TET2: variants seen among roughly 807,000 people sequenced by gnomAD.
TET2 encodes methylcytosine dioxygenase TET2.
Under a neutral mutation model 142.9 loss-of-function variants are expected in TET2, and 299 were observed. The observed-to-expected ratio is 2.09, with a 90% CI of 1.90 to 2.30. The LOEUF is 2.30. Among genes scored for constraint, TET2 ranks in the 30% most tolerant of loss-of-function variants. The probability of loss-of-function intolerance (pLI) is 0.00; values close to 1 mark genes in which losing one functional copy is unlikely to be tolerated. For missense variants in TET2, 2,418 were observed against 2,378.0 expected, an observed-to-expected ratio of 1.02 and a Z score of -0.35; for synonymous variants, 819 against 849.0, an observed-to-expected ratio of 0.96 and a Z score of 0.61.
At chr4:105,163,127 T>C (rs565975702) in intron 1 of TET2, among the ~76,000 whole-genome samples, 72 of 152,358 alleles carry the variant, frequency 4.7e-4, no homozygotes, top group African/African-American at 1.6e-3. Flanking sequence ...TTTTTCCTAC[T>C]TGTAACAAAT....
Position 105,278,431 on chromosome 4 carries a change from A to G in TET2, c.*1912A>G, listed in dbSNP as rs1225918270. 2.7e-5 allele frequency: 6 copies of G among 219,808 alleles called. No homozygotes were observed. The highest frequency in any genetic ancestry group is 6.6e-5 in the East Asian group (1 of 15,074). 13.6% of individuals were successfully genotyped at this position (219,808 alleles called of 1,614,324 possible). ...AAAAAAAAAAGCATACCTTTTTTCA[A>G]TACTTGATTTCTTAGCAAGTATAAC... On this transcript the variant is annotated 3_prime_UTR_variant, in exon 11 of 11. Transcript: ENST00000380013.
intron 2 of TET2, chr4:105,202,268 T>C (rs939237582): frequency 2.0e-5 from 3 of 152,172 alleles, no homozygotes; most frequent in African/African-American, 7.2e-5. Context: ...AAATAACATA[T>C]ATTTATCTTA....
chr4:105,226,659 C>T (rs1728213035), intron 2 of TET2, among the ~76,000 whole-genome samples: 1 of 151,750 alleles, frequency 6.6e-6, no homozygotes, highest in African/African-American at 2.4e-5. Context: ...CTCTTCCTCT[C>T]TCTTTTTCTC....
At chr4:105,159,096 TA>T (rs1045215088) in intron 1 of TET2, among the ~76,000 whole-genome samples, 2 of 152,088 alleles carry the variant, frequency 1.3e-5, no homozygotes, top group African/African-American at 4.8e-5. Flanking sequence ...CAACACAGTT[TA>T]ATTCATTGTC....
rs927281537 is a variant in TET2 at position 105,276,818 on chromosome 4, G to A, written c.*299G>A. The stretch of plus-strand genomic sequence containing the variant: ...TTAAACACTGGTTCTATTATTGGAC[G>A]AGATGATATGTAAATGTGATCCCCC... On this transcript the variant is annotated 3_prime_UTR_variant, in exon 11 of 11. Transcript: ENST00000380013. 5 of 291,680 alleles carry A rather than the reference G, an allele frequency of 1.7e-5. No individual in the cohort carries two copies. Among genetic ancestry groups the A allele is most frequent in the Non-Finnish European group, 2.6e-5 (4 of 154,652 alleles). The allele number at this position is 291,680 out of a possible 1,614,324, so 18.1% of individuals were successfully genotyped here. A position where few individuals can be genotyped will look rare whatever the true frequency, so the allele number is the denominator to read the frequency against.
chr4:105,260,135 T>A (rs1730349668), intron 7 of TET2, among the ~76,000 whole-genome samples: 1 of 152,154 alleles, frequency 6.6e-6, no homozygotes. Flanking sequence ...TTATGTGCAA[T>A]GAGATTCAAA....
intron 2 of TET2, among the ~76,000 whole-genome samples, chr4:105,214,142 T>C (rs1444740854): frequency 6.6e-6 from 1 of 152,000 alleles, no homozygotes; most frequent in African/African-American, 2.4e-5. Context: ...GCCATTGTCA[T>C]GTTACGATAT....
chr4:105,262,374 T>TG (rs1387165126), intron 8 of TET2, among the ~76,000 whole-genome samples: 1 of 152,124 alleles, frequency 6.6e-6, no homozygotes, highest in Non-Finnish European at 1.5e-5. Flanking sequence ...CATTTTTTTT[T>TG]TCTATTTTAC....
chr4:105,189,690 T>A (rs1346328098), intron 1 of TET2, among the ~76,000 whole-genome samples: 1 of 152,208 alleles, frequency 6.6e-6, no homozygotes, highest in Non-Finnish European at 1.5e-5. Context: ...ACCAATTAAG[T>A]CTTACTTGGG....
intron 3 of TET2, chr4:105,238,748 C>T (rs1729103120): frequency 8.3e-6 from 2 of 240,370 alleles, no homozygotes; most frequent in Non-Finnish European, 1.8e-5. Flanking sequence ...CTTCTAAACT[C>T]CTGTTAATGT....
intron 8 of TET2, among the ~76,000 whole-genome samples, chr4:105,264,324 ACTT>A (rs1730589264): frequency 2.0e-5 from 3 of 152,312 alleles, no homozygotes; most frequent in African/African-American, 7.2e-5. Flanking sequence ...CTCAGCAAGA[ACTT>A]CTGAAATAAA....
At chr4:105,167,491 C>T (rs993885814) in intron 1 of TET2, among the ~76,000 whole-genome samples, 1 of 152,036 alleles carries the variant, frequency 6.6e-6, no homozygotes, top group Non-Finnish European at 1.5e-5. Context: ...TATCTATATA[C>T]ATGTATATGT....
At chr4:105,264,096 CCAAA>C (rs1327692302) in intron 8 of TET2, among the ~76,000 whole-genome samples, 2 of 151,382 alleles carry the variant, frequency 1.3e-5, no homozygotes, top group African/African-American at 2.4e-5. Flanking sequence ...CTTTAACGTC[CCAAA>C]CATTTTTTTT....
intron 2 of TET2, among the ~76,000 whole-genome samples, chr4:105,217,040 G>T (rs969948779): frequency 6.6e-6 from 1 of 151,800 alleles, no homozygotes; most frequent in Non-Finnish European, 1.5e-5. Context: ...CAATTTTTTT[G>T]TGTGTTCTTT....
chr4:105,240,012 C>T (rs1396569673), intron 3 of TET2: 4 of 241,048 alleles, frequency 1.7e-5, no homozygotes, highest in Non-Finnish European at 2.6e-5. Flanking sequence ...ATGCACACAA[C>T]ATTTATCAGA....
In TET2 at chr4:105,190,453, G is replaced by C. The variant is rs1363039563; in HGVS notation, c.-99G>C. On this transcript the variant is annotated 5_prime_UTR_variant, in exon 2 of 11. Coordinates refer to ENST00000380013, the MANE Select transcript of TET2 (RefSeq NM_001127208.3). ...CGCTTGGAAGCAGGAGATGGGCTCA[G>C]CAGCAGCCAATAGGACATGATCCAG... 4.3e-6 allele frequency: 3 copies of C among 701,924 alleles called. No homozygotes were observed. The highest frequency in any genetic ancestry group is 1.5e-5 in the South Asian group (1 of 67,562). 43.5% of individuals were successfully genotyped at this position (701,924 alleles called of 1,614,324 possible).
intron 8 of TET2, among the ~76,000 whole-genome samples, chr4:105,268,440 ATAT>A (rs1407629919): frequency 6.6e-6 from 1 of 152,184 alleles, no homozygotes; most frequent in Admixed American, 6.5e-5. Context: ...AAAAGACTAA[ATAT>A]TATTAAGATG....
intron 2 of TET2, among the ~76,000 whole-genome samples, chr4:105,201,253 A>G (rs1306838598): frequency 1.4e-4 from 21 of 152,170 alleles, no homozygotes; most frequent in Admixed American, 1.4e-3. Flanking sequence ...AAACAAAATT[A>G]TCTCTTCTTC....
At chr4:105,189,060 C>A (rs1481368349) in intron 1 of TET2, among the ~76,000 whole-genome samples, 1 of 152,028 alleles carries the variant, frequency 6.6e-6, no homozygotes, top group Non-Finnish European at 1.5e-5. Flanking sequence ...TAAATTTTAA[C>A]GTATGGCTTT....
Sources: allele counts gnomAD v4.1 joint callset (sites outside exome capture counted in the v4.1 genomes callset), GRCh38; gene constraint gnomAD v4.1.1; transcripts MANE v1.5; gene names NCBI Gene and HGNC (gene_info 2026-07-23, HGNC 2026-07-21).